The following DMRT1 variants were observed in gnomAD, a reference collection of about 807,000 sequenced individuals.
DMRT1 encodes doublesex- and mab-3-related transcription factor 1.
Under a neutral mutation model 32.3 loss-of-function variants are expected in DMRT1, and 7 were observed. The ratio of observed to expected loss-of-function variants is 0.22; its 90% CI spans 0.12 to 0.41. The LOEUF is 0.41. Ranked by LOEUF, DMRT1 falls within the 10% of genes least tolerant of loss-of-function variation. The probability of loss-of-function intolerance (pLI) is 1.00; values close to 1 mark genes in which losing one functional copy is unlikely to be tolerated. For missense variants in DMRT1, 625 were observed against 500.5 expected (o/e 1.25, Z -2.37); for synonymous variants, 278 against 206.1 (o/e 1.35, Z -2.99).
intron 4 of DMRT1, among the ~76,000 whole-genome samples, chr9:958,078 T>C (rs570555849): frequency 2.6e-5 from 4 of 152,308 alleles, no homozygotes; most frequent in Non-Finnish European, 5.9e-5. Context: ...ATGCTGGTTA[T>C]AAAGAAACAG....
In DMRT1 at chr9:914,573, CAA is replaced by C. The variant is rs34584256; in HGVS notation, c.823-2168_823-2167del. Among the ~76,000 whole-genome samples the C allele has an allele frequency of 9.2e-3, 606 of 66,152 alleles. 1 individual carries two copies. Among genetic ancestry groups the C allele is most frequent in the African/African-American group, 0.035 (578 of 16,500 alleles). The allele number at this position is 66,152 out of a possible 152,430, so 43.4% of individuals were successfully genotyped here. On this transcript the variant is annotated intron_variant, in intron 3 of 4. Coordinates refer to ENST00000382276, the MANE Select transcript of DMRT1 (RefSeq NM_021951.3). Reference sequence around the variant, plus strand: ...TGGGCGACAGAGTGGGACTCTGTCTCAAAAAAAAAAAAAAAAAAAAAAAGATT... The same window carrying C: ...TGGGCGACAGAGTGGGACTCTGTCTCAAAAAAAAAAAAAAAAAAAAAGATT...
At chr9:894,322 A>G in intron 3 of DMRT1, 127 bp downstream of exon 3, 1 of 959,340 alleles carries the variant, frequency 1.0e-6, no homozygotes, top group East Asian at 2.4e-5. Flanking sequence ...GGTGACACAC[A>G]CAGGTACACA....
intron 2 of DMRT1, among the ~76,000 whole-genome samples, chr9:893,570 A>C (rs1051154789): frequency 6.6e-6 from 1 of 152,252 alleles, no homozygotes; most frequent in African/African-American, 2.4e-5. Flanking sequence ...TTAAGAATGC[A>C]CAATCAGGTC....
At chr9:934,254 T>C (rs1818816289) in intron 4 of DMRT1, among the ~76,000 whole-genome samples, 1 of 148,374 alleles carries the variant, frequency 6.7e-6, no homozygotes, top group Admixed American at 6.7e-5. Context: ...GTGAGTGGCC[T>C]CTTCACTCTG....
chr9:960,509 A>G (rs895796189), intron 4 of DMRT1, among the ~76,000 whole-genome samples: 7 of 152,242 alleles, frequency 4.6e-5, no homozygotes, highest in African/African-American at 1.7e-4. Flanking sequence ...TTTACAAACT[A>G]TTTTGTCTCC....
intron 4 of DMRT1, among the ~76,000 whole-genome samples, chr9:953,292 CTG>C (rs1224755283): frequency 6.6e-6 from 1 of 151,832 alleles, no homozygotes; most frequent in African/African-American, 2.4e-5. Context: ...AAAAAAAAGT[CTG>C]TGTATCTTTT....
intron 2 of DMRT1, among the ~76,000 whole-genome samples, chr9:851,294 A>G (rs1839141628): frequency 6.6e-6 from 1 of 151,986 alleles, no homozygotes; most frequent in African/African-American, 2.4e-5. Context: ...GCTGGAGTGC[A>G]GTGGTGCAAT....
intron 4 of DMRT1, among the ~76,000 whole-genome samples, chr9:923,541 T>C (rs986484242): frequency 1.3e-5 from 2 of 152,184 alleles, no homozygotes; most frequent in African/African-American, 4.8e-5. Flanking sequence ...AGGTAAAGGA[T>C]GGCAGGTGTT....
intron 2 of DMRT1, among the ~76,000 whole-genome samples, chr9:849,908 C>T (rs1417861815): frequency 6.6e-6 from 1 of 152,150 alleles, no homozygotes; most frequent in Non-Finnish European, 1.5e-5. Context: ...ACCGCAACCT[C>T]TGCCTCCCAG....
At position 968,457 on chromosome 9, in the gene DMRT1, G is replaced by GAA. The variant is rs1378377234; in HGVS notation, c.*319_*320insAA. 3.5e-6 allele frequency: 1 copy of GAA among 282,044 alleles called. No homozygotes were observed. The highest frequency in any genetic ancestry group is 6.8e-6 in the Non-Finnish European group (1 of 146,968). 17.5% of individuals were successfully genotyped at this position (282,044 alleles called of 1,614,324 possible). A position where few individuals can be genotyped will look rare whatever the true frequency, so the allele number is the denominator to read the frequency against. ...TGAAGCCATTTGTGTGCCTCTAAATGAGTCATCTAATTAGATGTTACTTTT... is the reference window on the plus strand; with the variant it reads ...TGAAGCCATTTGTGTGCCTCTAAATGAAAGTCATCTAATTAGATGTTACTTTT... On this transcript the variant is annotated 3_prime_UTR_variant, in exon 5 of 5. Transcript: ENST00000382276.
At chr9:935,551 T>C (rs534440497) in intron 4 of DMRT1, among the ~76,000 whole-genome samples, 26 of 152,242 alleles carry the variant, frequency 1.7e-4, no homozygotes, top group Non-Finnish European at 3.4e-4. Context: ...AATACTGGCG[T>C]AATTGCTCGC....
chr9:863,605 A>T (rs1815825845), intron 2 of DMRT1, among the ~76,000 whole-genome samples: 1 of 152,176 alleles, frequency 6.6e-6, no homozygotes, highest in Non-Finnish European at 1.5e-5. Flanking sequence ...GCAAAGAAAC[A>T]GTCCCTGCTA....
In DMRT1 at chr9:916,869, T is replaced by G; in HGVS notation, c.929T>G (p.Phe310Cys). The change falls in exon 4 of 5, where the codon TTT (phenylalanine) becomes TGT (cysteine). Residue 310 changes from phenylalanine to cysteine, a missense_variant. By Grantham distance (205) the Phe-to-Cys change is radical (BLOSUM62 -2). Around this residue, in one of 3 missense-constraint regions of DMRT1, gnomAD observed 416 missense variants for 321.6 expected, o/e 1.29. Coordinates refer to ENST00000382276, the MANE Select transcript of DMRT1 (RefSeq NM_021951.3). ...CAGAGCGTGCCCCAGTTCTTCACTT[T>G]TGAGGATGCTCCCTCTTACCCGGAA... The part of the protein sequence containing the change: ...LGQSVPQFFT[F>C]EDAPSYPEAR... The G allele has an allele frequency of 6.2e-7, 1 of 1,614,210 alleles. No homozygotes were observed. Among genetic ancestry groups the G allele is most frequent in the East Asian group, 2.2e-5 (1 of 44,884 alleles).
At chr9:860,728 A>G (rs1168459667) in intron 2 of DMRT1, among the ~76,000 whole-genome samples, 3 of 152,232 alleles carry the variant, frequency 2.0e-5, no homozygotes, top group Admixed American at 6.5e-5. Context: ...GCTGTTTTAA[A>G]TAGGGTGGTC....
rs1819998406 is a variant in DMRT1, at chr9:968,180, G to T, written c.*41G>T. ...GATGGCGGTTCACTTGGAGTAACAG[G>T]CTTATTCCACTTTCCATGGGGTTTG... On this transcript the variant is annotated 3_prime_UTR_variant, in exon 5 of 5. Coordinates refer to ENST00000382276, the MANE Select transcript of DMRT1 (RefSeq NM_021951.3). The T allele has an allele frequency of 6.2e-7, 1 of 1,609,476 alleles. No homozygotes were observed. The highest frequency in any genetic ancestry group is 8.5e-7 in the Non-Finnish European group (1 of 1,177,304).
chr9:918,980 C>A (rs748085529), intron 4 of DMRT1, among the ~76,000 whole-genome samples: 11 of 152,138 alleles, frequency 7.2e-5, no homozygotes, highest in Non-Finnish European at 1.3e-4. Context: ...TCAGCATTGA[C>A]ACAGTGGGGT....
intron 2 of DMRT1, among the ~76,000 whole-genome samples, chr9:870,602 T>A (rs1816200634): frequency 6.6e-6 from 1 of 152,054 alleles, no homozygotes; most frequent in South Asian, 2.1e-4. Context: ...TTTTAGTCTG[T>A]CACTTTTCTG....
At chr9:866,246 C>G (rs575864441) in intron 2 of DMRT1, among the ~76,000 whole-genome samples, 1 of 150,466 alleles carries the variant, frequency 6.6e-6, no homozygotes, top group East Asian at 2.0e-4. Flanking sequence ...TGGGACGTTA[C>G]CTTTAGCAGA....
chr9:938,169 A>G (rs550164153), intron 4 of DMRT1, among the ~76,000 whole-genome samples: 1 of 152,230 alleles, frequency 6.6e-6, no homozygotes, highest in African/African-American at 2.4e-5. Context: ...GAGGGTTTAT[A>G]TTGCAGCTTT....
Sources: gnomAD v4.1 joint callset for allele counts (sites outside exome capture counted in the v4.1 genomes callset) on GRCh38, gnomAD v4.1.1 for gene constraint, gnomAD v4.1.1 regional missense constraint, MANE v1.5 for transcripts, NCBI Gene and HGNC (gene_info 2026-07-23, HGNC 2026-07-21) for gene names.